The following ATXN10 variants were observed in gnomAD, a reference collection of about 807,000 sequenced individuals.
ATXN10 encodes the protein ataxin-10.
ATXN10 carries 28 observed loss-of-function variants against 52.9 expected under a neutral mutation model. The ratio of observed to expected loss-of-function variants is 0.53; its 90% CI spans 0.39 to 0.73. The LOEUF (loss-of-function observed/expected upper bound fraction) is 0.73. Among genes scored for constraint, ATXN10 ranks in the 30% least tolerant of loss-of-function variants. ATXN10 has a pLI of 0.00. For missense variants in ATXN10, 565 were observed against 577.0 expected, an observed-to-expected ratio of 0.98 and a Z score of 0.21; for synonymous variants, 226 against 221.5, an observed-to-expected ratio of 1.02 and a Z score of -0.18.
chr22:45,703,796 C>T (rs932714122), intron 5 of ATXN10, among the ~76,000 whole-genome samples: 9 of 152,098 alleles, frequency 5.9e-5, no homozygotes, highest in Non-Finnish European at 1.3e-4. Context: ...GCATTATATG[C>T]TAAGAGGGGC....
chr22:45,679,551 A>G (rs1292696604), intron 1 of ATXN10: 2 of 152,218 alleles, frequency 1.3e-5, no homozygotes, highest in South Asian at 2.1e-4. Context: ...TTCCCCGGAC[A>G]TTACTGAGCC....
At chr22:45,702,382 A>G (rs531345930) in intron 4 of ATXN10, among the ~76,000 whole-genome samples, 1 of 152,328 alleles carries the variant, frequency 6.6e-6, no homozygotes, top group South Asian at 2.1e-4. Context: ...TTTCTTTCTA[A>G]CAAGAATGAA....
At chr22:45,699,929 C>T (rs1025800758) in intron 3 of ATXN10, among the ~76,000 whole-genome samples, 2 of 151,492 alleles carry the variant, frequency 1.3e-5, no homozygotes, top group African/African-American at 4.9e-5. Context: ...CCACTGCAAC[C>T]TCTGCCTCCC....
chr22:45,784,726 AGGGCTGCTGTGTGGCAGATTCCCAGCAC>A lies in ATXN10; in HGVS notation c.1174-22226_1174-22199del, dbSNP rs1170228594. Among the ~76,000 whole-genome samples the A allele has an allele frequency of 6.6e-6, 1 of 152,190 alleles. No individual in the cohort carries two copies. Among genetic ancestry groups the A allele is most frequent in the African/African-American group, 2.4e-5 (1 of 41,456 alleles). Reference sequence around the variant, plus strand: ...TTACACATTCCAGATAGTCATTCTGAGGGCTGCTGTGTGGCAGATTCCCAGCACGGGCTGGACACTTGAGCTCCCAGCA... The same window carrying A: ...TTACACATTCCAGATAGTCATTCTGAGGGCTGGACACTTGAGCTCCCAGCA... On this transcript the variant is annotated intron_variant, in intron 9 of 11. Coordinates refer to ENST00000252934, the MANE Select transcript of ATXN10 (RefSeq NM_013236.4). This position sits in a 1 kb window ranked among gnomAD's most constrained non-coding sequence, Gnocchi z 4.2.
chr22:45,702,613 C>T (rs2146754689), intron 4 of ATXN10, 76 bp from the exon 5 acceptor site: 2 of 1,389,108 alleles, frequency 1.4e-6, no homozygotes, highest in Non-Finnish European at 2.0e-6. Flanking sequence ...GTGAATTTGA[C>T]AATGGTATTA....
chr22:45,737,123 A>G (rs1412117660), intron 7 of ATXN10, among the ~76,000 whole-genome samples: 2 of 152,216 alleles, frequency 1.3e-5, no homozygotes, highest in African/African-American at 4.8e-5. Flanking sequence ...TTATGAAGCC[A>G]TAGCTGTAAA....
At chr22:45,797,079 G>T (rs901096912) in intron 9 of ATXN10, among the ~76,000 whole-genome samples, 4 of 152,136 alleles carry the variant, frequency 2.6e-5, no homozygotes, top group African/African-American at 9.7e-5. Flanking sequence ...TCAAATAACT[G>T]AAACCAAAAC....
chr22:45,671,934 TTA>T lies in ATXN10; in HGVS notation c.-129_-128del. 2 of 1,018,550 alleles carry T rather than the reference TTA, an allele frequency of 2.0e-6. No individual in the cohort carries two copies. The highest frequency in any genetic ancestry group is 3.1e-5 in the South Asian group (2 of 65,504). 63.1% of individuals were successfully genotyped at this position (1,018,550 alleles called of 1,614,324 possible). ...GCGCGGGCTGCAGCGGCGGCGGCGG[TTA>T]GGGCTGTGTAGGGCGAGGCCTCCCC... On this transcript the variant is annotated 5_prime_UTR_variant, in exon 1 of 12. Transcript: ENST00000252934.
chr22:45,713,238 A>G (rs1362124212), intron 5 of ATXN10, among the ~76,000 whole-genome samples: 2 of 152,184 alleles, frequency 1.3e-5, no homozygotes, highest in South Asian at 2.1e-4. Flanking sequence ...TGTAATGCAG[A>G]TGCTGATTCA....
intron 6 of ATXN10, among the ~76,000 whole-genome samples, chr22:45,722,114 G>A (rs1924676955): frequency 6.6e-6 from 1 of 152,156 alleles, no homozygotes; most frequent in South Asian, 2.1e-4. Flanking sequence ...ATGATTTCTG[G>A]GTTAAGGGAG....
rs781261047 is a variant in ATXN10 at position 45,819,756 on chromosome 22, A to G, written c.1237+12734A>G. ...TTCTTATGAAGTTAATTATTTGCCA[A>G]TTTTTCTTTTTGCATTAGATTAATT... is the stretch of plus-strand genomic sequence containing the variant. On this transcript the variant is annotated intron_variant, in intron 10 of 11. Transcript: ENST00000252934. The surrounding 1 kb of genome is among the most constrained non-coding windows in gnomAD (Gnocchi z 4.5). Among the ~76,000 whole-genome samples the G allele has an allele frequency of 2.0e-5, 3 of 151,996 alleles. No individual in the cohort carries two copies. Among genetic ancestry groups the G allele is most frequent in the Non-Finnish European group, 2.9e-5 (2 of 67,992 alleles).
Position 45,780,567 on chromosome 22 carries a change from A to C in ATXN10, c.1174-26392A>C, listed in dbSNP as rs1430259157. Among the ~76,000 whole-genome samples the C allele has an allele frequency of 6.6e-6, 1 of 152,218 alleles. No homozygotes were observed. Among genetic ancestry groups the C allele is most frequent in the Non-Finnish European group, 1.5e-5 (1 of 68,036 alleles). ...TTCCCCCTCTGTAGAATGGGATAACAGGAAGTCCTGCCTCAGAGGCTCATA... is the reference window on the plus strand; with the variant it reads ...TTCCCCCTCTGTAGAATGGGATAACCGGAAGTCCTGCCTCAGAGGCTCATA... On this transcript the variant is annotated intron_variant, in intron 9 of 11. Transcript: ENST00000252934. This position sits in a 1 kb window ranked among gnomAD's most constrained non-coding sequence, Gnocchi z 4.0.
intron 9 of ATXN10, among the ~76,000 whole-genome samples, chr22:45,752,983 C>T (rs565498215): frequency 6.6e-6 from 1 of 152,214 alleles, no homozygotes; most frequent in Admixed American, 6.5e-5. Flanking sequence ...ATCTGCCCAC[C>T]TCGGCCTCCC....
chr22:45,699,535 C>T (rs1390755213), intron 3 of ATXN10, among the ~76,000 whole-genome samples: 9 of 145,458 alleles, frequency 6.2e-5, no homozygotes, highest in South Asian at 2.2e-4. Context: ...TCTGTCTCCC[C>T]GGCTGGATGC....
chr22:45,805,206 G>A lies in ATXN10; in HGVS notation c.1174-1753G>A, dbSNP rs758674480. Among the ~76,000 whole-genome samples the A allele has an allele frequency of 3.2e-4, 49 of 152,178 alleles. No individual in the cohort carries two copies. The highest frequency in any genetic ancestry group is 5.4e-4 in the Non-Finnish European group (37 of 68,028). On this transcript the variant is annotated intron_variant, in intron 9 of 11. Coordinates refer to ENST00000252934, the MANE Select transcript of ATXN10 (RefSeq NM_013236.4). This position sits in a 1 kb window ranked among gnomAD's most constrained non-coding sequence, Gnocchi z 4.4. ...TGCCTACTACAAAAGACAGACAATA[G>A]CAAGTGTTTATGAGATTGTGGAGAT... is the stretch of plus-strand genomic sequence containing the variant.
rs916978240 is a variant in ATXN10 at position 45,818,009 on chromosome 22, G to A, written c.1237+10987G>A. On this transcript the variant is annotated intron_variant, in intron 10 of 11. Coordinates refer to ENST00000252934, the MANE Select transcript of ATXN10 (RefSeq NM_013236.4). This position sits in a 1 kb window ranked among gnomAD's most constrained non-coding sequence, Gnocchi z 4.6. ...GAAGCTGGAAGTTGGAGAAAGACAT[G>A]CTGGAATGCATAAGCTTTCAGAAAA... 6.6e-5 allele frequency among the ~76,000 whole-genome samples: 10 copies of A among 152,234 alleles called. No individual in the cohort carries two copies. The highest frequency in any genetic ancestry group is 2.2e-4 in the African/African-American group (9 of 41,462).
intron 9 of ATXN10, among the ~76,000 whole-genome samples, chr22:45,747,979 G>A (rs368966700): frequency 1.7e-4 from 25 of 151,418 alleles, no homozygotes; most frequent in South Asian, 1.0e-3. Flanking sequence ...CAGGAGGATC[G>A]CTTGAGCCCA....
chr22:45,801,800 G>C (rs1176763908), intron 9 of ATXN10, among the ~76,000 whole-genome samples: 1 of 152,192 alleles, frequency 6.6e-6, no homozygotes, highest in African/African-American at 2.4e-5. Flanking sequence ...TAGAATCTCA[G>C]AGCCAAATGA....
intron 9 of ATXN10, among the ~76,000 whole-genome samples, chr22:45,799,072 T>G (rs549192972): frequency 2.2e-3 from 163 of 74,022 alleles, no homozygotes; most frequent in Non-Finnish European, 3.8e-3. Flanking sequence ...AGGAGACATT[T>G]GTGTTTTGTT....
Sources: gnomAD v4.1 joint callset for allele counts (sites outside exome capture counted in the v4.1 genomes callset) on GRCh38, gnomAD v4.1.1 for gene constraint, Gnocchi (gnomAD v3.1) non-coding constraint, MANE v1.5 for transcripts, NCBI Gene and HGNC (gene_info 2026-07-23, HGNC 2026-07-21) for gene names.